Variants in CD3E observed in about 807,000 individuals in gnomAD.
CD3E encodes T-cell surface glycoprotein CD3 epsilon chain.
Under a neutral mutation model 34.7 loss-of-function variants are expected in CD3E, and 16 were observed. That is an observed-to-expected ratio of 0.46 (90% confidence interval 0.31 to 0.70). The LOEUF (loss-of-function observed/expected upper bound fraction) is 0.70. Among genes scored for constraint, CD3E ranks in the 30% least tolerant of loss-of-function variants. The pLI is 0.05. For synonymous variants in CD3E, 70 were observed against 90.8 expected (o/e 0.77, Z 1.30); for missense variants, 223 against 253.9 (o/e 0.88, Z 0.83).
At chr11:118,306,312 G>T (rs563867772) in intron 2 of CD3E, among the ~76,000 whole-genome samples, 3 of 152,088 alleles carry the variant, frequency 2.0e-5, no homozygotes, top group East Asian at 3.9e-4. Context: ...CCTGGGCAAA[G>T]TAGTGAAACC....
At chr11:118,314,209 G>A (rs1332102239) in intron 7 of CD3E, among the ~76,000 whole-genome samples, 5 of 152,080 alleles carry the variant, frequency 3.3e-5, no homozygotes, top group African/African-American at 1.2e-4. Context: ...CTTCCCCTAT[G>A]GAGAGAAACA....
chr11:118,308,138 T>C (rs1041297626), intron 3 of CD3E, among the ~76,000 whole-genome samples: 7 of 152,150 alleles, frequency 4.6e-5, no homozygotes, highest in African/African-American at 1.7e-4. Context: ...CACTGCACTC[T>C]AGCCTGGGTG....
chr11:118,314,555 AAC>A lies in CD3E; in HGVS notation c.567+63_567+64del, dbSNP rs1948155141. 3.4e-6 allele frequency: 5 copies of A among 1,486,044 alleles called. No individual in the cohort carries two copies. In the South Asian group the frequency reaches 4.6e-5, roughly 14 times the overall value. The allele number at this position is 1,486,044 out of a possible 1,614,324, so 92.1% of individuals were successfully genotyped here. On this transcript the variant is annotated intron_variant, in intron 8 of 8. Transcript: ENST00000361763. ...GGGATGTCCCTCCAGGGGGGAAGGA[AAC>A]AGATGGGATGGCCCATCTTGTCTGC...
chr11:118,312,171 G>C lies in CD3E; in HGVS notation c.103+1G>C, dbSNP rs201543770. 6.2e-7 allele frequency: 1 copy of C among 1,611,168 alleles called. No homozygotes were observed. Among genetic ancestry groups the C allele is most frequent in the South Asian group, 1.1e-5 (1 of 91,032 alleles). On this transcript the variant is annotated splice_donor_variant, in intron 5 of 8. Coordinates refer to ENST00000361763, the MANE Select transcript of CD3E (RefSeq NM_000733.4). LOFTEE classifies it high-confidence loss of function. Reference sequence around the variant, plus strand: ...TTTTCAGGTGGTATTACACAGACACGTGAGTTTATTGGTCTTTTATTTATG... The same window carrying C: ...TTTTCAGGTGGTATTACACAGACACCTGAGTTTATTGGTCTTTTATTTATG...
intron 4 of CD3E, among the ~76,000 whole-genome samples, chr11:118,311,469 C>G (rs1172895100): frequency 6.6e-6 from 1 of 152,182 alleles, no homozygotes; most frequent in Non-Finnish European, 1.5e-5. Flanking sequence ...TGATTATGCT[C>G]AGATATAATG....
At chr11:118,312,044 C>T in intron 4 of CD3E, 109 bp from the exon 5 acceptor site, 2 of 921,414 alleles carry the variant, frequency 2.2e-6, no homozygotes, top group Non-Finnish European at 3.6e-6. Context: ...ATGAGACCCT[C>T]TTTGGGAAGT....
At chr11:118,313,211 G>A in intron 6 of CD3E, 1 of 377,630 alleles carries the variant, frequency 2.6e-6, no homozygotes, top group South Asian at 2.5e-5. Flanking sequence ...TTTTCAGAAA[G>A]GTTTGCAAAA....
At chr11:118,313,500 A>G in intron 6 of CD3E, 2 of 604,040 alleles carry the variant, frequency 3.3e-6, no homozygotes, top group Non-Finnish European at 3.0e-6. Flanking sequence ...ACTCAAACCC[A>G]GGGCTGTTTG....
chr11:118,305,899 C>T (rs1198084091), intron 2 of CD3E, among the ~76,000 whole-genome samples: 3 of 152,142 alleles, frequency 2.0e-5, no homozygotes, highest in Non-Finnish European at 4.4e-5. Context: ...CTGGTGCTCC[C>T]GTCTCAGACC....
chr11:118,315,092 G>A (rs756063459), intron 8 of CD3E, among the ~76,000 whole-genome samples: 1 of 151,968 alleles, frequency 6.6e-6, no homozygotes, highest in Non-Finnish European at 1.5e-5. Flanking sequence ...GGATCACCAG[G>A]ATTGTTCTAG....
chr11:118,305,108 T>C (rs983990818), intron 2 of CD3E, 107 bp downstream of exon 2: 12 of 1,018,584 alleles, frequency 1.2e-5, no homozygotes, highest in Admixed American at 3.4e-5. Flanking sequence ...TTACCAGATG[T>C]AAGGAACTGT....
chr11:118,314,960 TAC>T (rs58102034), intron 8 of CD3E, among the ~76,000 whole-genome samples: 37,723 of 143,164 alleles, frequency 0.26, 5,167 homozygotes, highest in African/African-American at 0.37. Flanking sequence ...CACACACACA[TAC>T]ACACACACAC....
At chr11:118,313,136 C>T (rs1038653536) in intron 6 of CD3E, 4 of 492,598 alleles carry the variant, frequency 8.1e-6, no homozygotes, top group South Asian at 2.1e-5. Flanking sequence ...TCATTTGCAC[C>T]GCATCACACC....
Position 118,313,702 on chromosome 11 carries a change from C to G in CD3E, c.353-5C>G, listed in dbSNP as rs374456909. The G allele has an allele frequency of 1.9e-5, 31 of 1,613,772 alleles. No homozygotes were observed. Among genetic ancestry groups the G allele is most frequent in the African/African-American group, 4.0e-5 (3 of 74,890 alleles). On this transcript the variant is annotated splice_region_variant and splice_polypyrimidine_tract_variant and intron_variant, in intron 6 of 8. Coordinates refer to ENST00000361763, the MANE Select transcript of CD3E (RefSeq NM_000733.4). ...TTTCCCCTCTCCCCACCCCACCCCC[C>G]ACAGTGTGTGAGAACTGCATGGAGA...
At chr11:118,308,724 A>C (rs1948120615) in intron 4 of CD3E, among the ~76,000 whole-genome samples, 1 of 152,274 alleles carries the variant, frequency 6.6e-6, no homozygotes, top group Non-Finnish European at 1.5e-5. Flanking sequence ...AGACAGAGAC[A>C]GTGTCTCATT....
In CD3E at chr11:118,308,431, T is replaced by C; in HGVS notation, c.75T>C (p.Asn25=). 6.3e-7 allele frequency: 1 copy of C among 1,593,252 alleles called. No individual in the cohort carries two copies. The highest frequency in any genetic ancestry group is 8.6e-7 in the Non-Finnish European group (1 of 1,163,498). The change falls in exon 4 of 9, where the codon AAT becomes AAC. Residue 25 remains asparagine, a synonymous_variant. Coordinates refer to ENST00000361763, the MANE Select transcript of CD3E (RefSeq NM_000733.4). ...LSVGVWGQDG[N]EEMGGITQTP... is the part of the protein sequence containing the mutation. ...TTCTTACTGTTTCCTTTTCAGGTAA[T>C]GAAGAAATGGGTAAGAAGATTTCCA...
At chr11:118,310,346 G>A (rs182811812) in intron 4 of CD3E, among the ~76,000 whole-genome samples, 2 of 152,208 alleles carry the variant, frequency 1.3e-5, no homozygotes, top group Admixed American at 1.3e-4. Context: ...TCATCATTTA[G>A]CTCCCACTTC....
At position 118,314,458 on chromosome 11, in the gene CD3E, GGA is replaced by G. The variant is rs1948154189; in HGVS notation, c.535_536del (p.Arg179AlafsTer10). ...AGGRQRGQNK[E>X]RPPPVPNPDY... is the part of the protein sequence containing the mutation. ...CTCCTTCCTCCGCAGGACAAAACAA[GGA>G]GAGGCCACCACCTGTTCCCAACCCA... On this transcript the variant is annotated frameshift_variant, in exon 8 of 9. Coordinates refer to ENST00000361763, the MANE Select transcript of CD3E (RefSeq NM_000733.4). LOFTEE classifies it high-confidence loss of function. The G allele has an allele frequency of 6.2e-7, 1 of 1,613,866 alleles. No individual in the cohort carries two copies.
At chr11:118,313,582 C>T (rs1948147994) in intron 6 of CD3E, 125 bp from the exon 7 acceptor site, 2 of 869,862 alleles carry the variant, frequency 2.3e-6, no homozygotes, top group South Asian at 2.8e-5. Flanking sequence ...GAAGGGGGGG[C>T]TCTGACCGTG....
Sources: allele counts gnomAD v4.1 joint callset (sites outside exome capture counted in the v4.1 genomes callset), GRCh38; gene constraint gnomAD v4.1.1; transcripts MANE v1.5; gene names NCBI Gene and HGNC (gene_info 2026-07-23, HGNC 2026-07-21).